Variants in UBAP2 observed in about 807,000 individuals in gnomAD.
UBAP2 encodes ubiquitin associated protein 2.
Under a neutral mutation model 139.6 loss-of-function variants are expected in UBAP2, and 75 were observed. That is an observed-to-expected ratio of 0.54 (90% confidence interval 0.45 to 0.65). The LOEUF (loss-of-function observed/expected upper bound fraction) is 0.65. Among genes scored for constraint, UBAP2 ranks in the 30% least tolerant of loss-of-function variants. The pLI, the probability that UBAP2 is intolerant of heterozygous loss-of-function variation, is 0.00. For synonymous variants in UBAP2, 526 were observed against 526.2 expected, an observed-to-expected ratio of 1.00 and a Z score of 0.01; for missense variants, 1,368 against 1,369.6, an observed-to-expected ratio of 1.00 and a Z score of 0.02.
chr9:34,007,644 T>G (rs900349710), intron 2 of UBAP2, among the ~76,000 whole-genome samples: 1 of 151,234 alleles, frequency 6.6e-6, no homozygotes, highest in Non-Finnish European at 1.5e-5. Flanking sequence ...TATGTTTTAT[T>G]TTTATTTTTT....
chr9:33,996,713 T>C (rs986266803), intron 3 of UBAP2: 13 of 166,782 alleles, frequency 7.8e-5, no homozygotes, highest in Non-Finnish European at 1.5e-4. Flanking sequence ...GAGTACACGG[T>C]CATCATTCAT....
Position 34,000,910 on chromosome 9 carries a change from T to C in UBAP2, c.100-2046A>G, listed in dbSNP as rs572663044. Among the ~76,000 whole-genome samples the C allele has an allele frequency of 1.6e-3, 237 of 152,332 alleles. 2 individuals are homozygous for C. Among genetic ancestry groups the C allele is most frequent in the South Asian group, 0.013 (64 of 4,828 alleles). ...CTGCTACATTATACCCAAAAAGACA[T>C]TGGTACAGAAATTCAGTGTCTACCC... On this transcript the variant is annotated intron_variant, in intron 2 of 28. Coordinates refer to ENST00000379238, the MANE Select transcript of UBAP2 (RefSeq NM_001370062.2).
intron 2 of UBAP2, among the ~76,000 whole-genome samples, chr9:34,012,486 G>A (rs1345490285): frequency 6.8e-6 from 1 of 147,796 alleles, no homozygotes; most frequent in African/African-American, 2.5e-5. Flanking sequence ...AGCTGAGATC[G>A]CACCACTGCA....
Position 33,922,705 on chromosome 9 carries a change from G to A in UBAP2, c.3246C>T (p.His1082=). ...TACTCACCTGTGCATCCTGCGGAAG[G>A]TGGTGGTGCAGCAGCTGTGAGTGGG... The part of the protein sequence containing the change: ...QQPHSQLLHH[H]LPQDAQSGSG... Residue 1082 remains histidine, a synonymous_variant, in exon 28 of 29, where the codon CAC becomes CAT. Transcript: ENST00000379238. The A allele has an allele frequency of 2.6e-6, 4 of 1,550,208 alleles. No homozygotes were observed. The highest frequency in any genetic ancestry group is 3.5e-6 in the Non-Finnish European group (4 of 1,148,684).
chr9:34,008,464 C>T (rs1823433961), intron 2 of UBAP2, among the ~76,000 whole-genome samples: 1 of 152,032 alleles, frequency 6.6e-6, no homozygotes, highest in Non-Finnish European at 1.5e-5. Flanking sequence ...CTGTCATCAG[C>T]TGGGTGCAGT....
At chr9:33,967,382 T>A (rs1392123239) in intron 8 of UBAP2, among the ~76,000 whole-genome samples, 2 of 152,234 alleles carry the variant, frequency 1.3e-5, no homozygotes, top group African/African-American at 4.8e-5. Flanking sequence ...ACCGCATGTG[T>A]TTTTATCTTG....
intron 5 of UBAP2, among the ~76,000 whole-genome samples, chr9:33,987,365 T>A (rs527794715): frequency 2.6e-5 from 4 of 151,976 alleles, no homozygotes; most frequent in Non-Finnish European, 5.9e-5. Flanking sequence ...TGAGCCGAGA[T>A]CTCCTCACTG....
chr9:33,943,344 C>A, intron 15 of UBAP2, 76 bp downstream of exon 15: 1 of 1,451,236 alleles, frequency 6.9e-7, no homozygotes, highest in Non-Finnish European at 9.5e-7. Flanking sequence ...GCTATTACCA[C>A]AGGATGTATT....
intron 1 of UBAP2, among the ~76,000 whole-genome samples, chr9:34,031,151 A>T (rs989623606): frequency 1.3e-5 from 2 of 150,636 alleles, no homozygotes; most frequent in Admixed American, 1.3e-4. Context: ...GGTGGCACGG[A>T]CCTGTAATCC....
At chr9:33,957,953 G>GT (rs1305991411) in intron 10 of UBAP2, among the ~76,000 whole-genome samples, 34 of 151,234 alleles carry the variant, frequency 2.2e-4, no homozygotes, top group East Asian at 5.8e-4. Flanking sequence ...TGTGGGAAGG[G>GT]TTTTTTTTTC....
At chr9:34,035,170 T>C (rs1291021205) in intron 1 of UBAP2, among the ~76,000 whole-genome samples, 2 of 151,986 alleles carry the variant, frequency 1.3e-5, no homozygotes, top group African/African-American at 4.8e-5. Flanking sequence ...GTCAAATCTT[T>C]CTTCTGTTCT....
At chr9:33,924,771 C>T (rs867392076) in intron 22 of UBAP2, among the ~76,000 whole-genome samples, 1 of 152,216 alleles carries the variant, frequency 6.6e-6, no homozygotes, top group Non-Finnish European at 1.5e-5. Context: ...CAGAACTGGC[C>T]TGTCACCACC....
chr9:33,937,599 C>CAAA (rs1185167927), intron 16 of UBAP2, among the ~76,000 whole-genome samples: 6,855 of 85,310 alleles, frequency 0.08, 392 homozygotes, highest in African/African-American at 0.18. Context: ...GACTCTGTCT[C>CAAA]AAAAAAAAAA....
At chr9:33,968,316 G>C in intron 8 of UBAP2, 2 of 593,500 alleles carry the variant, frequency 3.4e-6, no homozygotes, top group African/African-American at 3.7e-5. Context: ...ACTGGCCTCT[G>C]ATGCCCATGT....
intron 2 of UBAP2, among the ~76,000 whole-genome samples, 183 bp downstream of exon 2, chr9:34,016,867 T>C (rs1824400510): frequency 6.6e-6 from 1 of 152,146 alleles, no homozygotes; most frequent in Non-Finnish European, 1.5e-5. Flanking sequence ...CATCACCTAC[T>C]GTTTAAACAA....
intron 19 of UBAP2, among the ~76,000 whole-genome samples, chr9:33,930,585 CAA>C (rs1170476944): frequency 6.6e-6 from 1 of 151,926 alleles, no homozygotes; most frequent in Admixed American, 6.6e-5. Flanking sequence ...ATTTATGTAA[CAA>C]GAGAAAAAGA....
chr9:33,950,686 C>G (rs1031549070), intron 12 of UBAP2, among the ~76,000 whole-genome samples: 1 of 152,172 alleles, frequency 6.6e-6, no homozygotes, highest in Non-Finnish European at 1.5e-5. Context: ...TGAAGGCTTC[C>G]CAGGTGATGA....
chr9:34,016,902 T>A, intron 2 of UBAP2, 148 bp downstream of exon 2: 1 of 639,144 alleles, frequency 1.6e-6, no homozygotes, highest in Non-Finnish European at 2.5e-6. Context: ...TAAAGTTTCC[T>A]ACAAAGGAAA....
At chr9:34,032,678 C>G (rs575367484) in intron 1 of UBAP2, among the ~76,000 whole-genome samples, 1 of 152,156 alleles carries the variant, frequency 6.6e-6, no homozygotes, top group Non-Finnish European at 1.5e-5. Flanking sequence ...AATTCCAGCA[C>G]TTTGGGAGGC....
Sources: gnomAD v4.1 joint callset for allele counts (sites outside exome capture counted in the v4.1 genomes callset) on GRCh38, gnomAD v4.1.1 for gene constraint, MANE v1.5 for transcripts, NCBI Gene and HGNC (gene_info 2026-07-23, HGNC 2026-07-21) for gene names.